The following PRKCH variants were observed in gnomAD, a reference collection of about 807,000 sequenced individuals.
PRKCH encodes the protein protein kinase C eta.
PRKCH carries 28 observed loss-of-function variants against 82.5 expected under a neutral mutation model. The observed-to-expected ratio is 0.34, with a 90% confidence interval of 0.25 to 0.47. The LOEUF is 0.47. Among genes scored for constraint, PRKCH ranks in the 20% least tolerant of loss-of-function variants. The probability of loss-of-function intolerance (pLI) is 1.00; values close to 1 mark genes in which losing one functional copy is unlikely to be tolerated. For missense variants in PRKCH, 705 were observed against 881.8 expected, an observed-to-expected ratio of 0.80 and a Z score of 2.54; for synonymous variants, 322 against 327.4, an observed-to-expected ratio of 0.98 and a Z score of 0.18.
chr14:61,456,938 A>G (rs972124953), intron 7 of PRKCH: 9 of 430,738 alleles, frequency 2.1e-5, no homozygotes, highest in African/African-American at 6.0e-5. Flanking sequence ...GCTAACTGTA[A>G]CTCCATGGCT....
At chr14:61,331,364 ACT>A (rs1445064112) in intron 1 of PRKCH, among the ~76,000 whole-genome samples, 19 of 152,022 alleles carry the variant, frequency 1.2e-4, no homozygotes, top group Non-Finnish European at 2.5e-4. Context: ...AAGAAAGCAA[ACT>A]CTGCCAGGCT....
intron 2 of PRKCH, among the ~76,000 whole-genome samples, chr14:61,412,858 ATC>A (rs1396839286): frequency 6.6e-6 from 1 of 151,810 alleles, no homozygotes; most frequent in Non-Finnish European, 1.5e-5. Flanking sequence ...CAGTGTGGCC[ATC>A]TCTTTTCTTC....
chr14:61,277,803 G>A (rs1484468024), intron 1 of PRKCH: 1 of 152,126 alleles, frequency 6.6e-6, no homozygotes. Context: ...GGTTGATAAA[G>A]TTCAAATTCT....
At chr14:61,414,251 A>G (rs1354068997) in intron 2 of PRKCH, among the ~76,000 whole-genome samples, 1 of 146,484 alleles carries the variant, frequency 6.8e-6, no homozygotes, top group East Asian at 2.0e-4. Flanking sequence ...TGTGCTGGGC[A>G]CTCTCAATGG....
intron 1 of PRKCH, chr14:61,322,763 T>C (rs1244100377): frequency 9.3e-6 from 3 of 322,304 alleles, no homozygotes; most frequent in Non-Finnish European, 1.2e-5. Context: ...AGTCTTTGGG[T>C]AAGGAGCTCC....
intron 2 of PRKCH, among the ~76,000 whole-genome samples, chr14:61,412,847 T>C (rs967987096): frequency 6.6e-6 from 1 of 152,162 alleles, no homozygotes; most frequent in African/African-American, 2.4e-5. Flanking sequence ...CTGCTGTCCC[T>C]CAGTGTGGCC....
chr14:61,279,849 C>A (rs577394223), intron 1 of PRKCH: 15 of 522,494 alleles, frequency 2.9e-5, no homozygotes, highest in Admixed American at 3.5e-5. Flanking sequence ...AACTCAGTGT[C>A]GTGAAGGAGG....
At chr14:61,529,370 A>G in intron 11 of PRKCH, 157 bp downstream of exon 11, 1 of 765,922 alleles carries the variant, frequency 1.3e-6, no homozygotes, top group Non-Finnish European at 1.8e-6. Flanking sequence ...TCATTGGGTG[A>G]ATGATGGCTG....
At chr14:61,235,996 C>T (rs1429568036) in intron 1 of PRKCH, among the ~76,000 whole-genome samples, 1 of 152,156 alleles carries the variant, frequency 6.6e-6, no homozygotes, top group African/African-American at 2.4e-5. Flanking sequence ...GTCAGACTTG[C>T]CTTGTGATAC....
At chr14:61,346,540 C>T (rs1003974424) in intron 1 of PRKCH, among the ~76,000 whole-genome samples, 1 of 152,186 alleles carries the variant, frequency 6.6e-6, no homozygotes, top group Non-Finnish European at 1.5e-5. Context: ...TTTAACATTT[C>T]ATTGGAGCAA....
chr14:61,401,590 G>A (rs1881624238), intron 2 of PRKCH, among the ~76,000 whole-genome samples: 1 of 152,162 alleles, frequency 6.6e-6, no homozygotes, highest in Admixed American at 6.5e-5. Context: ...GTAAAAGCAT[G>A]GCACCAAACT....
intron 9 of PRKCH, among the ~76,000 whole-genome samples, chr14:61,470,321 G>A (rs11623391): frequency 0.14 from 20,101 of 140,736 alleles, 2,876 homozygotes; most frequent in African/African-American, 0.38. Context: ...ATTTGCTCCC[G>A]TTGCCACTTG....
At chr14:61,531,042 G>A (rs1037004797) in intron 12 of PRKCH, among the ~76,000 whole-genome samples, 1 of 152,194 alleles carries the variant, frequency 6.6e-6, no homozygotes, top group African/African-American at 2.4e-5. Context: ...TGGGAGAGGA[G>A]AAGGAAGGTT....
At chr14:61,467,685 G>A (rs1885321388) in intron 9 of PRKCH, among the ~76,000 whole-genome samples, 1 of 152,260 alleles carries the variant, frequency 6.6e-6, no homozygotes, top group Non-Finnish European at 1.5e-5. Context: ...CCTTGGGGTA[G>A]TTGGTTGATT....
chr14:61,200,488 A>G (rs920432077), intron 1 of PRKCH, among the ~76,000 whole-genome samples: 1 of 152,148 alleles, frequency 6.6e-6, no homozygotes, highest in African/African-American at 2.4e-5. Flanking sequence ...GCCAGGTCAC[A>G]TGGGAACCAG....
intron 1 of PRKCH, among the ~76,000 whole-genome samples, chr14:61,256,763 C>T (rs1271409325): frequency 6.6e-6 from 1 of 152,090 alleles, no homozygotes; most frequent in Non-Finnish European, 1.5e-5. Context: ...TGAATTGGTC[C>T]ACTTGATCAT....
chr14:61,428,110 C>CATATATATATAT (rs1435502380), intron 2 of PRKCH, among the ~76,000 whole-genome samples: 1 of 75,442 alleles, frequency 1.3e-5, no homozygotes, highest in African/African-American at 5.3e-5. Context: ...TATATATACA[C>CATATATATATAT]ACATATATAT....
chr14:61,463,581 A>G (rs1885123755), intron 9 of PRKCH, among the ~76,000 whole-genome samples: 1 of 152,240 alleles, frequency 6.6e-6, no homozygotes, highest in Non-Finnish European at 1.5e-5. Context: ...CTAATTTGAT[A>G]ACCTGTACTA....
At chr14:61,193,878 T>C (rs181101296) in intron 1 of PRKCH, among the ~76,000 whole-genome samples, 2 of 152,342 alleles carry the variant, frequency 1.3e-5, no homozygotes, top group African/African-American at 4.8e-5. Flanking sequence ...TCTTTCTGTC[T>C]TCCTCTGCAC....
Sources: gnomAD v4.1 joint callset for allele counts (sites outside exome capture counted in the v4.1 genomes callset) on GRCh38, gnomAD v4.1.1 for gene constraint, MANE v1.5 for transcripts, NCBI Gene and HGNC (gene_info 2026-07-23, HGNC 2026-07-21) for gene names.